The following UNC5D variants were observed in gnomAD, a reference collection of about 807,000 sequenced individuals.
UNC5D encodes the protein unc-5 netrin receptor D, also known as netrin receptor UNC5D.
UNC5D carries 39 observed loss-of-function variants against 105.4 expected under a neutral mutation model. That is an observed-to-expected ratio of 0.37 (90% CI 0.29 to 0.48). The LOEUF (loss-of-function observed/expected upper bound fraction) is 0.48. UNC5D is among the 20% of genes least tolerant of loss of function. The probability of loss-of-function intolerance (pLI) is 0.98; values close to 1 mark genes in which losing one functional copy is unlikely to be tolerated. For synonymous variants in UNC5D, 452 were observed against 450.4 expected, an observed-to-expected ratio of 1.00 and a Z score of -0.04; for missense variants, 991 against 1,202.4, an observed-to-expected ratio of 0.82 and a Z score of 2.60.
At chr8:35,534,024 G>C (rs1015634365) in intron 1 of UNC5D, among the ~76,000 whole-genome samples, 4 of 152,178 alleles carry the variant, frequency 2.6e-5, no homozygotes, top group Admixed American at 1.3e-4. Flanking sequence ...GCTCACGCTG[G>C]GAACTGTAGA....
intron 1 of UNC5D, among the ~76,000 whole-genome samples, chr8:35,325,913 G>T (rs534619657): frequency 6.6e-6 from 1 of 152,000 alleles, no homozygotes; most frequent in African/African-American, 2.4e-5. Context: ...ATTGAGGCTG[G>T]GTATTATGCA....
chr8:35,567,929 T>C (rs1817466762), intron 2 of UNC5D, among the ~76,000 whole-genome samples, 169 bp from the exon 3 acceptor site: 1 of 152,236 alleles, frequency 6.6e-6, no homozygotes, highest in South Asian at 2.1e-4. Flanking sequence ...CCTACTCAGC[T>C]GTTGAAATTT....
intron 4 of UNC5D, among the ~76,000 whole-genome samples, chr8:35,674,904 A>G (rs1383671454): frequency 6.6e-6 from 1 of 152,160 alleles, no homozygotes; most frequent in Non-Finnish European, 1.5e-5. Flanking sequence ...CTTTCAGTTT[A>G]TGCAGGGAGT....
chr8:35,403,607 C>G (rs78432761), intron 1 of UNC5D, among the ~76,000 whole-genome samples: 14,568 of 152,240 alleles, frequency 0.096, 912 homozygotes, highest in Non-Finnish European at 0.15. Context: ...AATCCAAGAT[C>G]TGAAATACTC....
intron 1 of UNC5D, among the ~76,000 whole-genome samples, chr8:35,465,825 G>A (rs571105444): frequency 1.5e-4 from 23 of 152,234 alleles, no homozygotes; most frequent in Admixed American, 1.2e-3. Context: ...AGTGAAAGAG[G>A]AAAGCAGAGG....
intron 4 of UNC5D, among the ~76,000 whole-genome samples, chr8:35,600,462 C>T (rs909206642): frequency 1.3e-5 from 2 of 152,140 alleles, no homozygotes; most frequent in Non-Finnish European, 2.9e-5. Flanking sequence ...TCTCCAGCAC[C>T]TGTTGTTTCC....
chr8:35,466,665 GAA>G (rs1809326425), intron 1 of UNC5D, among the ~76,000 whole-genome samples: 1 of 152,090 alleles, frequency 6.6e-6, no homozygotes, highest in South Asian at 2.1e-4. Flanking sequence ...TTGAAAATGA[GAA>G]AAGTTTGGAT....
At chr8:35,333,969 A>G (rs973243311) in intron 1 of UNC5D, among the ~76,000 whole-genome samples, 1 of 152,210 alleles carries the variant, frequency 6.6e-6, no homozygotes, top group Non-Finnish European at 1.5e-5. Context: ...TAAGTGAATA[A>G]ACTATCAACA....
chr8:35,374,565 T>A (rs1461815572), intron 1 of UNC5D, among the ~76,000 whole-genome samples: 1 of 152,208 alleles, frequency 6.6e-6, no homozygotes, highest in East Asian at 1.9e-4. Context: ...ACTAGCTTTT[T>A]CCTCACATCC....
chr8:35,617,027 C>T (rs1821070312), intron 4 of UNC5D, among the ~76,000 whole-genome samples: 1 of 152,212 alleles, frequency 6.6e-6, no homozygotes, highest in Admixed American at 6.5e-5. Flanking sequence ...ATCAAGAACT[C>T]ATCCCAATCC....
chr8:35,291,548 G>A (rs1807069123), intron 1 of UNC5D, among the ~76,000 whole-genome samples: 1 of 152,110 alleles, frequency 6.6e-6, no homozygotes, highest in African/African-American at 2.4e-5. Context: ...AAAAAACTGA[G>A]CTGGAAAACT....
At chr8:35,475,621 A>T (rs1266498428) in intron 1 of UNC5D, among the ~76,000 whole-genome samples, 1 of 152,186 alleles carries the variant, frequency 6.6e-6, no homozygotes, top group Non-Finnish European at 1.5e-5. Context: ...TGGGAGGTAC[A>T]TGTCAACACC....
chr8:35,712,057 G>A (rs1827997275), intron 8 of UNC5D, among the ~76,000 whole-genome samples: 1 of 152,296 alleles, frequency 6.6e-6, no homozygotes, highest in African/African-American at 2.4e-5. Context: ...TGGATCACAA[G>A]GTCAGGAGTT....
chr8:35,677,240 C>G (rs939517124), intron 4 of UNC5D, among the ~76,000 whole-genome samples: 2 of 152,044 alleles, frequency 1.3e-5, no homozygotes, highest in South Asian at 4.1e-4. Context: ...TTTCATTGCA[C>G]TATCATTTTT....
At chr8:35,379,206 C>T (rs1802881117) in intron 1 of UNC5D, among the ~76,000 whole-genome samples, 1 of 152,150 alleles carries the variant, frequency 6.6e-6, no homozygotes, top group Non-Finnish European at 1.5e-5. Flanking sequence ...TCACCAAAGC[C>T]TAGTAACTTA....
At chr8:35,566,736 G>A (rs1330309191) in intron 2 of UNC5D, among the ~76,000 whole-genome samples, 5 of 152,154 alleles carry the variant, frequency 3.3e-5, no homozygotes, top group African/African-American at 1.2e-4. Flanking sequence ...TGTAAAGAGC[G>A]CATAGGTTCG....
intron 1 of UNC5D, among the ~76,000 whole-genome samples, chr8:35,356,845 G>A (rs955939968): frequency 6.6e-6 from 1 of 152,118 alleles, no homozygotes; most frequent in Non-Finnish European, 1.5e-5. Flanking sequence ...TGACTAATGG[G>A]TGGGGAGCAT....
intron 1 of UNC5D, among the ~76,000 whole-genome samples, chr8:35,386,796 C>T (rs1803426367): frequency 6.6e-6 from 1 of 152,096 alleles, no homozygotes; most frequent in African/African-American, 2.4e-5. Context: ...GGGAAAGGGA[C>T]AATTTGAGCT....
chr8:35,582,338 A>T (rs183389402), intron 3 of UNC5D, among the ~76,000 whole-genome samples: 2 of 152,304 alleles, frequency 1.3e-5, no homozygotes, highest in Admixed American at 1.3e-4. Flanking sequence ...CTTTCTTGTC[A>T]GTTCTTCATA....
Sources: allele counts gnomAD v4.1 joint callset (sites outside exome capture counted in the v4.1 genomes callset), GRCh38; gene constraint gnomAD v4.1.1; transcripts MANE v1.5; gene names NCBI Gene and HGNC (gene_info 2026-07-23, HGNC 2026-07-21).